The following ACACA variants were observed in gnomAD, a reference collection of about 807,000 sequenced individuals.
ACACA encodes the protein acetyl-CoA carboxylase alpha.
In ACACA, 103 loss-of-function variants were observed where a neutral mutation model predicts 296.1. That is an observed-to-expected ratio of 0.35 (90% confidence interval 0.30 to 0.41). The LOEUF (loss-of-function observed/expected upper bound fraction) is 0.41. Ranked by LOEUF, ACACA falls within the 10% of genes least tolerant of loss-of-function variation. ACACA has a pLI of 1.00. For synonymous variants in ACACA, 953 were observed against 1,038.6 expected (o/e 0.92, Z 1.58); for missense variants, 1,554 against 2,989.7 (o/e 0.52, Z 11.20).
intron 43 of ACACA, among the ~76,000 whole-genome samples, chr17:37,153,877 T>G (rs749548464): frequency 6.6e-6 from 1 of 152,050 alleles, no homozygotes. Flanking sequence ...AAAACCCCAC[T>G]CATATAAATG....
chr17:37,253,797 G>T (rs1022915767), intron 14 of ACACA, among the ~76,000 whole-genome samples: 4 of 151,926 alleles, frequency 2.6e-5, no homozygotes, highest in African/African-American at 4.8e-5. Flanking sequence ...CTTATTTTAA[G>T]TATACAGTTC....
chr17:37,219,386 C>T (rs2079177555), intron 29 of ACACA, among the ~76,000 whole-genome samples: 1 of 152,134 alleles, frequency 6.6e-6, no homozygotes, highest in African/African-American at 2.4e-5. Context: ...TGCTTGAACT[C>T]TGTGAGTTGT....
At chr17:37,283,516 C>T (rs932149540) in intron 4 of ACACA, 111 bp from the exon 5 acceptor site, 2 of 1,337,688 alleles carry the variant, frequency 1.5e-6, no homozygotes, top group African/African-American at 1.5e-5. Flanking sequence ...AAAAGTCATA[C>T]TTTCAACCAA....
chr17:37,244,778 C>T (rs759172894), intron 20 of ACACA, 44 bp from the exon 21 acceptor site: 1 of 1,612,960 alleles, frequency 6.2e-7, no homozygotes, highest in African/African-American at 1.3e-5. Flanking sequence ...TACTTTTGAT[C>T]TAAGGTACAA....
intron 45 of ACACA, among the ~76,000 whole-genome samples, chr17:37,137,658 T>C (rs901492932): frequency 1.3e-5 from 2 of 152,232 alleles, no homozygotes; most frequent in South Asian, 2.1e-4. Context: ...TAATGTGTAG[T>C]GGCTTTCTGA....
At chr17:37,344,906 T>C (rs1194673690) in intron 1 of ACACA, among the ~76,000 whole-genome samples, 1 of 152,202 alleles carries the variant, frequency 6.6e-6, no homozygotes, top group East Asian at 1.9e-4. Flanking sequence ...TCTACCATCC[T>C]GAGACTTTAG....
intron 45 of ACACA, among the ~76,000 whole-genome samples, chr17:37,130,934 T>C (rs1378006704): frequency 1.3e-5 from 2 of 151,946 alleles, no homozygotes; most frequent in African/African-American, 2.4e-5. Flanking sequence ...AAAGTAATTG[T>C]GGTTTTTGTC....
At chr17:37,332,443 A>G (rs991325684) in intron 2 of ACACA, among the ~76,000 whole-genome samples, 5 of 152,098 alleles carry the variant, frequency 3.3e-5, no homozygotes, top group African/African-American at 1.2e-4. Context: ...TCAACTCAGT[A>G]TTAAATAGCT....
intron 27 of ACACA, among the ~76,000 whole-genome samples, chr17:37,224,573 G>T (rs1471165581): frequency 6.6e-6 from 1 of 151,954 alleles, no homozygotes; most frequent in Non-Finnish European, 1.5e-5. Flanking sequence ...TACTTAAATA[G>T]CTTTGTCTCC....
chr17:37,225,581 G>GC (rs2079508031), intron 26 of ACACA: 1 of 187,736 alleles, frequency 5.3e-6, no homozygotes, highest in Admixed American at 5.4e-5. Flanking sequence ...CAAGGAGAAC[G>GC]CGTCAGGAAG....
At chr17:37,146,054 G>GTT (rs1274907127) in intron 45 of ACACA, among the ~76,000 whole-genome samples, 1 of 152,106 alleles carries the variant, frequency 6.6e-6, no homozygotes, top group Non-Finnish European at 1.5e-5. Context: ...AATAAAACAT[G>GTT]TAAGTATACA....
At chr17:37,337,832 T>G (rs1333552314) in intron 2 of ACACA, among the ~76,000 whole-genome samples, 1 of 149,830 alleles carries the variant, frequency 6.7e-6, no homozygotes, top group Non-Finnish European at 1.5e-5. Context: ...GCGCAGTGGC[T>G]CACGCCTGTA....
rs545148093 is a variant in ACACA at position 37,403,732 on chromosome 17, A to G, written c.38+2530T>C. ...TAAATTGGTCTAAGTAGAGCCTAAC[A>G]TCAACTGAAGGGAGAGGGTAATTTC... On this transcript the variant is annotated intron_variant, in intron 1 of 55. Coordinates refer to ENST00000616317, the MANE Select transcript of ACACA (RefSeq NM_198834.3). Among the ~76,000 whole-genome samples, 36 of 152,242 alleles carry G rather than the reference A, an allele frequency of 2.4e-4. No homozygotes were observed. The South Asian group carries it at 2.7e-3, about 11-fold the overall frequency.
At chr17:37,159,866 G>A (rs1200763924) in intron 42 of ACACA, among the ~76,000 whole-genome samples, 2 of 152,206 alleles carry the variant, frequency 1.3e-5, no homozygotes, top group South Asian at 2.1e-4. Context: ...AATGCAGGAA[G>A]ATAAAAAGGA....
At chr17:37,253,776 A>C (rs2081101232) in intron 14 of ACACA, among the ~76,000 whole-genome samples, 1 of 152,174 alleles carries the variant, frequency 6.6e-6, no homozygotes, top group South Asian at 2.1e-4. Context: ...ATTTACATAC[A>C]ATAAAATATA....
intron 25 of ACACA, among the ~76,000 whole-genome samples, chr17:37,233,825 T>C (rs2079979359): frequency 6.6e-6 from 1 of 152,216 alleles, no homozygotes; most frequent in Non-Finnish European, 1.5e-5. Context: ...TGTACTAACA[T>C]ATATATTTTT....
chr17:37,218,147 CAAAA>C (rs60487601), intron 29 of ACACA, among the ~76,000 whole-genome samples: 3 of 116,628 alleles, frequency 2.6e-5, no homozygotes, highest in Admixed American at 9.3e-5. Context: ...CTACCAGTAA[CAAAA>C]AAAAAAAAAA....
chr17:37,277,971 C>A lies in ACACA; in HGVS notation c.645G>T (p.Val215=), dbSNP rs2082348627. 1 of 1,613,968 alleles carries A rather than the reference C, an allele frequency of 6.2e-7. No homozygotes were observed. The highest frequency in any genetic ancestry group is 8.5e-7 in the Non-Finnish European group (1 of 1,179,850). ...YIKMADHYVP[V]PGGPNNNNYA... is the part of the protein sequence containing the mutation. ...AGTTGTTGTTGTTTGGTCCTCCAGG[C>A]ACTGGCACATAGTGATCTGCCATCT... The change falls in exon 6 of 56, where the codon GTG becomes GTT. Residue 215 remains valine, a synonymous_variant. Coordinates refer to ENST00000616317, the MANE Select transcript of ACACA (RefSeq NM_198834.3).
chr17:37,265,212 A>G (rs2081703602), intron 10 of ACACA, among the ~76,000 whole-genome samples: 1 of 152,214 alleles, frequency 6.6e-6, no homozygotes, highest in Admixed American at 6.5e-5. Context: ...TAGGGAAAAT[A>G]GATGCCACCC....
Sources: gnomAD v4.1 joint callset for allele counts (sites outside exome capture counted in the v4.1 genomes callset) on GRCh38, gnomAD v4.1.1 for gene constraint, MANE v1.5 for transcripts, NCBI Gene and HGNC (gene_info 2026-07-23, HGNC 2026-07-21) for gene names.